The following RFX1 variants were observed in gnomAD, a reference collection of about 807,000 sequenced individuals.
RFX1 encodes the protein MHC class II regulatory factor RFX1.
Under a neutral mutation model 119.6 loss-of-function variants are expected in RFX1, and 42 were observed. The ratio of observed to expected loss-of-function variants is 0.35; its 90% CI spans 0.27 to 0.45. The LOEUF (loss-of-function observed/expected upper bound fraction) is 0.45. RFX1 is among the 20% of genes least tolerant of loss of function. The pLI is 1.00. For synonymous variants in RFX1, 628 were observed against 618.5 expected, an observed-to-expected ratio of 1.02 and a Z score of -0.23; for missense variants, 1,118 against 1,368.1, an observed-to-expected ratio of 0.82 and a Z score of 2.88.
At chr19:14,000,384 G>C (rs1469350231) in intron 1 of RFX1, among the ~76,000 whole-genome samples, 1 of 152,138 alleles carries the variant, frequency 6.6e-6, no homozygotes, top group Non-Finnish European at 1.5e-5. Context: ...TACTCAGGAG[G>C]CTTAGGCAGG....
rs199739375 is a variant in RFX1 at position 13,993,597 on chromosome 19, C to T, written c.247G>A (p.Ala83Thr). The T allele has an allele frequency of 2.6e-5, 42 of 1,611,164 alleles. No individual in the cohort carries two copies. The highest frequency in any genetic ancestry group is 8.0e-5 in the African/African-American group (6 of 74,774). Reference protein sequence around the residue: ...QYVTELPAVPAPSQPTGAPTP... With the variant: ...QYVTELPAVPTPSQPTGAPTP... ...GGTGCACCGGTTGGCTGCGAGGGTG[C>T]GGGTACAGCCGGGAGCTCCGTCACG... Residue 83 changes from alanine (A) to threonine (T), a missense_variant, in exon 2 of 21, where the codon GCA becomes ACA. By Grantham distance (58) the Ala-to-Thr change is moderately conservative. Coordinates refer to ENST00000254325, the MANE Select transcript of RFX1 (RefSeq NM_002918.5).
chr19:13,995,059 C>T (rs1227252372), intron 1 of RFX1, among the ~76,000 whole-genome samples: 1 of 150,902 alleles, frequency 6.6e-6, no homozygotes, highest in Non-Finnish European at 1.5e-5. Context: ...GTGTGAGCCA[C>T]CACGCCCGGC....
At chr19:13,977,390 A>C (rs930492402) in intron 8 of RFX1, among the ~76,000 whole-genome samples, 1 of 152,048 alleles carries the variant, frequency 6.6e-6, no homozygotes, top group South Asian at 2.1e-4. Context: ...AGGTCACAGC[A>C]TCCTCTCTGG....
At chr19:13,993,483 ACT>A (rs773123679) in intron 2 of RFX1, 40 bp downstream of exon 2, 2 of 1,575,256 alleles carry the variant, frequency 1.3e-6, no homozygotes, top group Non-Finnish European at 1.7e-6. Flanking sequence ...TATCTGAACA[ACT>A]CTGAGAGGAG....
intron 20 of RFX1, 47 bp downstream of exon 20, chr19:13,962,947 C>A (rs1234273588): frequency 1.3e-6 from 2 of 1,547,718 alleles, no homozygotes; most frequent in Non-Finnish European, 1.7e-6. Flanking sequence ...CTCCGTTGTC[C>A]GCCACCCCCG....
chr19:13,965,800 G>A lies in RFX1; in HGVS notation c.1962-23C>T, dbSNP rs183509817. On this transcript the variant is annotated intron_variant, in intron 14 of 20. Transcript: ENST00000254325. This position sits in a 1 kb window ranked among gnomAD's most constrained non-coding sequence, Gnocchi z 4.7. ...TGTCTGCGGGCACCCACCCCACCCC[G>A]GGTCACTGGGGTACTCTATGGTCCT... The A allele has an allele frequency of 2.0e-4, 319 of 1,610,534 alleles. No individual in the cohort carries two copies. The East Asian group carries it at 6.8e-3, about 35-fold the overall frequency.
At chr19:13,994,646 C>T (rs1019640262) in intron 1 of RFX1, among the ~76,000 whole-genome samples, 41 of 150,090 alleles carry the variant, frequency 2.7e-4, no homozygotes, top group African/African-American at 9.1e-4. Flanking sequence ...ACCTGGGAGG[C>T]GGAGGTGGCA....
In RFX1 at chr19:13,990,594, G is replaced by A. The variant is rs2145613774; in HGVS notation, c.319+2931C>T. ...GCACTTTTGGAGGCCGAGGCGGGTG[G>A]ATCACGAGGTCAGGAGATCAAGACC... On this transcript the variant is annotated intron_variant, in intron 2 of 20. Coordinates refer to ENST00000254325, the MANE Select transcript of RFX1 (RefSeq NM_002918.5). This position sits in a 1 kb window ranked among gnomAD's most constrained non-coding sequence, Gnocchi z 4.1. 6.6e-6 allele frequency among the ~76,000 whole-genome samples: 1 copy of A among 152,232 alleles called. No homozygotes were observed. Among genetic ancestry groups the A allele is most frequent in the South Asian group, 2.1e-4 (1 of 4,818 alleles).
At chr19:13,974,518 C>T (rs755411039) in intron 8 of RFX1, among the ~76,000 whole-genome samples, 11 of 152,056 alleles carry the variant, frequency 7.2e-5, no homozygotes, top group East Asian at 1.9e-4. Context: ...TGTCGTCCCC[C>T]GAAAGAACAA....
chr19:13,973,143 A>G lies in RFX1; in HGVS notation c.930-16T>C. 1 of 1,350,588 alleles carries G rather than the reference A, an allele frequency of 7.4e-7. No homozygotes were observed. The highest frequency in any genetic ancestry group is 9.7e-7 in the Non-Finnish European group (1 of 1,026,318). The allele number at this position is 1,350,588 out of a possible 1,614,324, so 83.7% of individuals were successfully genotyped here. On this transcript the variant is annotated splice_polypyrimidine_tract_variant and intron_variant, in intron 8 of 20. Transcript: ENST00000254325. ...GCTGGAACGGCTGGGAAAGAGGCAA[A>G]GCCAAGGGAGAGTCAGGGGGATGAG...
chr19:13,979,519 TG>T lies in RFX1; in HGVS notation c.761del (p.Pro254HisfsTer12). On this transcript the variant is annotated frameshift_variant, in exon 7 of 21. Coordinates refer to ENST00000254325, the MANE Select transcript of RFX1 (RefSeq NM_002918.5). LOFTEE classifies it high-confidence loss of function. ...GCACCGGGCCGGGTTTGGGCGCTTG[TG>T]GAGTGGCCTGGACCACAGATCTCTG... ...TQERSVVQAT[P>X]QAPKPGPVQP... 1 of 1,602,624 alleles carries T rather than the reference TG, an allele frequency of 6.2e-7. No homozygotes were observed. Among genetic ancestry groups the T allele is most frequent in the Non-Finnish European group, 8.5e-7 (1 of 1,173,664 alleles).
In RFX1 at chr19:13,969,141, TG is replaced by T; in HGVS notation, c.1497-248del. On this transcript the variant is annotated intron_variant, in intron 10 of 20. Coordinates refer to ENST00000254325, the MANE Select transcript of RFX1 (RefSeq NM_002918.5). The surrounding 1 kb of genome is among the most constrained non-coding windows in gnomAD (Gnocchi z 4.5). ...GATGAATGGCTGAACGAGGTGACGC[TG>T]AAGCTGGGAATGGGAACCGAGACGT... is the stretch of plus-strand genomic sequence containing the variant. 6.6e-6 allele frequency among the ~76,000 whole-genome samples: 1 copy of T among 152,166 alleles called. No individual in the cohort carries two copies. The highest frequency in any genetic ancestry group is 1.5e-5 in the Non-Finnish European group (1 of 68,006).
chr19:13,974,102 C>T (rs1173747435), intron 8 of RFX1, among the ~76,000 whole-genome samples: 6 of 152,106 alleles, frequency 3.9e-5, no homozygotes, highest in South Asian at 4.1e-4. Context: ...TGAAAAGCCC[C>T]GGCCCCCGGA....
At chr19:13,981,659 C>T (rs1476654847) in intron 5 of RFX1, among the ~76,000 whole-genome samples, 1 of 152,206 alleles carries the variant, frequency 6.6e-6, no homozygotes, top group African/African-American at 2.4e-5. Context: ...GTGGCTGGGC[C>T]AGCCATCTGA....
intron 16 of RFX1, 196 bp from the exon 17 acceptor site, chr19:13,964,203 A>T: frequency 1.7e-6 from 1 of 572,802 alleles, no homozygotes; most frequent in East Asian, 3.0e-5. Context: ...GCCCCCCAAA[A>T]TTCAATTTAT....
rs371126813 is a variant in RFX1 at position 13,989,076 on chromosome 19, T to A, written c.319+4449A>T. On this transcript the variant is annotated intron_variant, in intron 2 of 20. Transcript: ENST00000254325. ...AGCAATGGGGGTAGGGGCAGGGAGGTGTGGAGTCAGAAAGGTAGTGTCTGA... is the reference window on the plus strand; with the variant it reads ...AGCAATGGGGGTAGGGGCAGGGAGGAGTGGAGTCAGAAAGGTAGTGTCTGA... 8.9e-4 allele frequency among the ~76,000 whole-genome samples: 131 copies of A among 147,740 alleles called. 3 individuals carry two copies. In the South Asian group the frequency reaches 0.028, roughly 31 times the overall value.
Position 13,990,277 on chromosome 19 carries a change from C to T in RFX1, c.319+3248G>A, listed in dbSNP as rs943295033. Among the ~76,000 whole-genome samples the T allele has an allele frequency of 9.2e-5, 14 of 151,982 alleles. No individual in the cohort carries two copies. The highest frequency in any genetic ancestry group is 9.2e-4 in the Admixed American group (14 of 15,254). Reference sequence around the variant, plus strand: ...GAGAGGACCACGGAGGGGCTGCGGGCGGTGGGCGGAGACCAGGGCAGTGTG... The same window carrying T: ...GAGAGGACCACGGAGGGGCTGCGGGTGGTGGGCGGAGACCAGGGCAGTGTG... On this transcript the variant is annotated intron_variant, in intron 2 of 20. Coordinates refer to ENST00000254325, the MANE Select transcript of RFX1 (RefSeq NM_002918.5). The surrounding 1 kb of genome is among the most constrained non-coding windows in gnomAD (Gnocchi z 4.1).
chr19:13,984,342 C>T (rs1173441915), intron 2 of RFX1, among the ~76,000 whole-genome samples: 3 of 151,482 alleles, frequency 2.0e-5, no homozygotes, highest in African/African-American at 7.3e-5. Context: ...GACCTTGGGG[C>T]GCTAATCCCC....
In RFX1 at chr19:13,965,775, T is replaced by C; in HGVS notation, c.1964A>G (p.His655Arg). 1 of 1,613,498 alleles carries C rather than the reference T, an allele frequency of 6.2e-7. No individual in the cohort carries two copies. Among genetic ancestry groups the C allele is most frequent in the African/African-American group, 1.3e-5 (1 of 75,008 alleles). Reference protein sequence around the residue: ...QPSEAPPLAVHDEAEKRLPKA... With the variant: ...QPSEAPPLAVRDEAEKRLPKA... ...GGGCAGTCGCTTCTCGGCCTCGTCA[T>C]GTCTGCGGGCACCCACCCCACCCCG... The change falls in exon 15 of 21, where the codon CAT (histidine) becomes CGT (arginine). Residue 655 changes from histidine (H) to arginine (R), a missense_variant and splice_region_variant. This residue lies in a region of RFX1 where 338 missense variants were observed against 508.9 expected (regional missense o/e 0.66). Transcript: ENST00000254325. The surrounding 1 kb of genome is among the most constrained non-coding windows in gnomAD (Gnocchi z 4.7).
Sources: allele counts gnomAD v4.1 joint callset (sites outside exome capture counted in the v4.1 genomes callset), GRCh38; gene constraint gnomAD v4.1.1; regional missense constraint gnomAD v4.1.1; non-coding constraint Gnocchi (gnomAD v3.1); transcripts MANE v1.5; gene names NCBI Gene and HGNC (gene_info 2026-07-23, HGNC 2026-07-21).